The following CNTN5 variants were observed in gnomAD, a reference collection of about 807,000 sequenced individuals.
CNTN5 encodes the protein contactin-5.
CNTN5 carries 77 observed loss-of-function variants against 129.1 expected under a neutral mutation model. The observed-to-expected ratio is 0.60, with a 90% CI of 0.50 to 0.72. CNTN5 has a LOEUF of 0.72. Ranked by LOEUF, CNTN5 falls within the 30% of genes least tolerant of loss-of-function variation. The pLI, the probability that CNTN5 is intolerant of heterozygous loss-of-function variation, is 0.00. For missense variants in CNTN5, 1,478 were observed against 1,328.8 expected, an observed-to-expected ratio of 1.11 and a Z score of -1.75; for synonymous variants, 509 against 465.6, an observed-to-expected ratio of 1.09 and a Z score of -1.20.
intron 3 of CNTN5, among the ~76,000 whole-genome samples, chr11:99,723,025 G>C (rs990564148): frequency 6.6e-6 from 1 of 151,592 alleles, no homozygotes; most frequent in Non-Finnish European, 1.5e-5. Flanking sequence ...ATGCACTCTA[G>C]TGTTTCAACA....
At chr11:99,730,732 A>G (rs1811141649) in intron 3 of CNTN5, among the ~76,000 whole-genome samples, 1 of 152,244 alleles carries the variant, frequency 6.6e-6, no homozygotes, top group South Asian at 2.1e-4. Context: ...CATGCATACA[A>G]TGTATAATGG....
intron 1 of CNTN5, among the ~76,000 whole-genome samples, chr11:99,284,535 C>A (rs1001046955): frequency 3.3e-5 from 5 of 150,234 alleles, no homozygotes; most frequent in African/African-American, 1.2e-4. Context: ...CTATTTAGGA[C>A]CTTAGGAACT....
At chr11:100,055,807 T>C (rs1943195787) in intron 9 of CNTN5, among the ~76,000 whole-genome samples, 1 of 151,580 alleles carries the variant, frequency 6.6e-6, no homozygotes, top group Non-Finnish European at 1.5e-5. Flanking sequence ...TTTAGGAAAA[T>C]TGTATGCTGA....
intron 13 of CNTN5, among the ~76,000 whole-genome samples, chr11:100,117,014 CAA>C (rs1470323136): frequency 1.3e-5 from 2 of 151,938 alleles, no homozygotes; most frequent in Non-Finnish European, 2.9e-5. Context: ...ATGTGTCTAT[CAA>C]AGTCACATGG....
At chr11:99,303,927 T>TA (rs1050619843) in intron 1 of CNTN5, among the ~76,000 whole-genome samples, 5 of 152,076 alleles carry the variant, frequency 3.3e-5, no homozygotes, top group Non-Finnish European at 7.4e-5. Context: ...TGTGGAGGCC[T>TA]AAAAAATGGT....
chr11:99,706,718 T>C (rs1359507377), intron 3 of CNTN5, among the ~76,000 whole-genome samples: 2 of 151,484 alleles, frequency 1.3e-5, no homozygotes, highest in Non-Finnish European at 3.0e-5. Flanking sequence ...ATTCTATCTA[T>C]CTTTTAATTT....
intron 2 of CNTN5, among the ~76,000 whole-genome samples, chr11:99,421,572 G>C (rs1389550878): frequency 6.6e-6 from 1 of 152,158 alleles, no homozygotes; most frequent in Non-Finnish European, 1.5e-5. Context: ...TATGTAGCAT[G>C]ACATTGACTT....
intron 9 of CNTN5, among the ~76,000 whole-genome samples, chr11:100,050,180 G>A (rs1163048724): frequency 2.0e-5 from 3 of 152,158 alleles, no homozygotes; most frequent in Non-Finnish European, 4.4e-5. Context: ...GCACACGTAT[G>A]TTTATTGTGG....
chr11:99,611,716 T>C (rs547090614), intron 3 of CNTN5, among the ~76,000 whole-genome samples: 2 of 152,298 alleles, frequency 1.3e-5, no homozygotes, highest in African/African-American at 4.8e-5. Flanking sequence ...CAATCTTCAC[T>C]ACAAAGGTAT....
At chr11:99,806,816 C>CAAAA (rs34469797) in intron 3 of CNTN5, among the ~76,000 whole-genome samples, 4 of 128,762 alleles carry the variant, frequency 3.1e-5, no homozygotes, top group African/African-American at 8.6e-5. Flanking sequence ...CCACCCCCTG[C>CAAAA]AAAAAAAAAA....
chr11:99,238,994 C>T (rs1333141145), intron 1 of CNTN5, among the ~76,000 whole-genome samples: 1 of 151,748 alleles, frequency 6.6e-6, no homozygotes, highest in East Asian at 1.9e-4. Context: ...CTTTTTGACT[C>T]TATGACTTTT....
chr11:99,145,925 A>G (rs1002690514), intron 1 of CNTN5, among the ~76,000 whole-genome samples: 1 of 152,128 alleles, frequency 6.6e-6, no homozygotes, highest in African/African-American at 2.4e-5. Flanking sequence ...CCTTTACAAA[A>G]CAAGTGTAAG....
chr11:99,111,081 T>C (rs1194420168), intron 1 of CNTN5, among the ~76,000 whole-genome samples: 1 of 152,132 alleles, frequency 6.6e-6, no homozygotes, highest in African/African-American at 2.4e-5. Flanking sequence ...TGTCTACCCA[T>C]GACTAGATAC....
chr11:99,637,585 T>G (rs1951609679), intron 3 of CNTN5, among the ~76,000 whole-genome samples: 1 of 152,128 alleles, frequency 6.6e-6, no homozygotes, highest in African/African-American at 2.4e-5. Context: ...AATCAGTATT[T>G]TTTTAAGTAG....
chr11:99,150,221 T>C (rs1253001967), intron 1 of CNTN5, among the ~76,000 whole-genome samples: 2 of 152,078 alleles, frequency 1.3e-5, no homozygotes, highest in African/African-American at 2.4e-5. Flanking sequence ...CTGTAATTTT[T>C]ATTATATTTA....
At chr11:99,771,501 G>A (rs1944945226) in intron 3 of CNTN5, among the ~76,000 whole-genome samples, 1 of 151,958 alleles carries the variant, frequency 6.6e-6, no homozygotes. Flanking sequence ...TTTGTGATGA[G>A]ATTAATGAAA....
chr11:99,461,897 T>C (rs1944713949), intron 2 of CNTN5, among the ~76,000 whole-genome samples: 2 of 152,170 alleles, frequency 1.3e-5, no homozygotes, highest in South Asian at 4.1e-4. Context: ...ATAAAGTAAA[T>C]GTGTTTTCTT....
At chr11:99,082,381 C>CA (rs1865839552) in intron 1 of CNTN5, among the ~76,000 whole-genome samples, 1 of 152,078 alleles carries the variant, frequency 6.6e-6, no homozygotes, top group Non-Finnish European at 1.5e-5. Context: ...GACGGGGTTT[C>CA]ACCATGTTGG....
At chr11:99,233,073 T>G (rs912162540) in intron 1 of CNTN5, among the ~76,000 whole-genome samples, 2 of 152,190 alleles carry the variant, frequency 1.3e-5, no homozygotes, top group South Asian at 4.1e-4. Context: ...AGTCAATGTT[T>G]TGTTTTGCTT....
Sources: gnomAD v4.1 joint callset for allele counts (sites outside exome capture counted in the v4.1 genomes callset) on GRCh38, gnomAD v4.1.1 for gene constraint, MANE v1.5 for transcripts, NCBI Gene and HGNC (gene_info 2026-07-23, HGNC 2026-07-21) for gene names.